PTPRA: variants seen among roughly 807,000 people sequenced by gnomAD.
PTPRA encodes receptor-type tyrosine-protein phosphatase alpha.
Under a neutral mutation model 104.8 loss-of-function variants are expected in PTPRA, and 25 were observed. The observed-to-expected ratio is 0.24, with a 90% CI of 0.17 to 0.33. PTPRA has a LOEUF of 0.33. Among genes scored for constraint, PTPRA ranks in the 10% least tolerant of loss-of-function variants. The pLI is 1.00. For missense variants in PTPRA, 765 were observed against 1,015.3 expected, an observed-to-expected ratio of 0.75 and a Z score of 3.35; for synonymous variants, 323 against 368.9, an observed-to-expected ratio of 0.88 and a Z score of 1.43.
In PTPRA at chr20:2,880,753, G is replaced by A. The variant is rs570907564; in HGVS notation, c.-129+6993G>A. Among the ~76,000 whole-genome samples, 7 of 152,264 alleles carry A rather than the reference G, an allele frequency of 4.6e-5. No individual in the cohort carries two copies. In the South Asian group the frequency reaches 1.2e-3, roughly 27 times the overall value. On this transcript the variant is annotated intron_variant, in intron 1 of 23. Coordinates refer to ENST00000399903, the MANE Select transcript of PTPRA (RefSeq NM_001385305.1). ...GTATGTAGAACCCAGCTGCACGGTG[G>A]CTCACACCCATAATCCCACTGTTTT...
chr20:3,025,113 A>G (rs2065067417), intron 17 of PTPRA, among the ~76,000 whole-genome samples: 1 of 152,156 alleles, frequency 6.6e-6, no homozygotes, highest in Non-Finnish European at 1.5e-5. Context: ...GCCACTAGAC[A>G]ATGGTTCTCA....
intron 14 of PTPRA, among the ~76,000 whole-genome samples, chr20:3,021,846 C>T (rs1477177636): frequency 1.3e-5 from 2 of 152,188 alleles, no homozygotes; most frequent in African/African-American, 4.8e-5. Flanking sequence ...TGTGGTACTG[C>T]GAAAAGAGGA....
At position 2,930,989 on chromosome 20, in the gene PTPRA, A is replaced by G. The variant is rs2060483267; in HGVS notation, c.-50+7704A>G. ...AGCAGGATGAATCTAACACTTTAGG[A>G]AGACTCCTTGGGGATGGGGTTGGAG... On this transcript the variant is annotated intron_variant, in intron 2 of 23. Coordinates refer to ENST00000399903, the MANE Select transcript of PTPRA (RefSeq NM_001385305.1). Among the ~76,000 whole-genome samples, 3 of 152,184 alleles carry G rather than the reference A, an allele frequency of 2.0e-5. No individual in the cohort carries two copies. The South Asian group carries it at 6.2e-4, about 31-fold the overall frequency.
At chr20:2,909,734 AATTATAT>A (rs1243534571) in intron 1 of PTPRA, among the ~76,000 whole-genome samples, 4 of 142,252 alleles carry the variant, frequency 2.8e-5, no homozygotes, top group Admixed American at 1.5e-4. Context: ...CTTATATATA[AATTATAT>A]ATTATATATT....
chr20:3,014,794 C>A (rs1239254893), intron 11 of PTPRA, among the ~76,000 whole-genome samples: 1 of 152,206 alleles, frequency 6.6e-6, no homozygotes, highest in Admixed American at 6.5e-5. Flanking sequence ...CACCTTATTG[C>A]TGTCTGAGAA....
At chr20:3,033,717 CA>C (rs2065644432) in intron 20 of PTPRA, among the ~76,000 whole-genome samples, 2 of 151,784 alleles carry the variant, frequency 1.3e-5, no homozygotes, top group Non-Finnish European at 2.9e-5. Context: ...GCCTGACCAA[CA>C]TGGAGAAACC....
At position 3,010,791 on chromosome 20, in the gene PTPRA, G is replaced by A. The variant is rs139163500; in HGVS notation, c.906+3371G>A. 6.6e-3 allele frequency among the ~76,000 whole-genome samples: 1,007 copies of A among 152,272 alleles called. 9 individuals are homozygous for A. The highest frequency in any genetic ancestry group is 0.022 in the African/African-American group (918 of 41,556). ...CCAGCAGGCCAGGATTGGATCACAT[G>A]TTCACATCCCTCTCTAATCACTGGC... On this transcript the variant is annotated intron_variant, in intron 11 of 23. Coordinates refer to ENST00000399903, the MANE Select transcript of PTPRA (RefSeq NM_001385305.1).
intron 5 of PTPRA, among the ~76,000 whole-genome samples, chr20:2,974,905 T>G (rs2062365876): frequency 6.6e-6 from 1 of 152,240 alleles, no homozygotes; most frequent in African/African-American, 2.4e-5. Flanking sequence ...GTCTTTTGTA[T>G]CCTTACTTAA....
chr20:2,874,419 C>A (rs755767675), intron 1 of PTPRA, among the ~76,000 whole-genome samples: 1 of 151,946 alleles, frequency 6.6e-6, no homozygotes, highest in Non-Finnish European at 1.5e-5. Context: ...AGAGCAGAGT[C>A]CTGTCTTGAG....
chr20:2,869,884 T>C (rs2089407142), upstream of PTPRA, among the ~76,000 whole-genome samples: 1 of 150,274 alleles, frequency 6.7e-6, no homozygotes, highest in African/African-American at 2.5e-5. Context: ...GGAGAATCGC[T>C]TGATTGCTTG....
intron 17 of PTPRA, among the ~76,000 whole-genome samples, chr20:3,025,315 T>C (rs2065077417): frequency 6.6e-6 from 1 of 151,864 alleles, no homozygotes; most frequent in Non-Finnish European, 1.5e-5. Flanking sequence ...TAGCCAGGCA[T>C]GATGGCACAT....
intron 2 of PTPRA, among the ~76,000 whole-genome samples, chr20:2,933,357 A>C (rs1449935219): frequency 1.3e-5 from 2 of 151,970 alleles, no homozygotes; most frequent in African/African-American, 2.4e-5. Context: ...TAAATACCTC[A>C]TTTAATAAGG....
intron 1 of PTPRA, among the ~76,000 whole-genome samples, chr20:2,881,933 G>A (rs2090072700): frequency 6.6e-6 from 1 of 152,124 alleles, no homozygotes; most frequent in African/African-American, 2.4e-5. Context: ...CTGGGAGGCG[G>A]AGATTGCAGT....
chr20:3,004,184 A>AT (rs1408421368), intron 9 of PTPRA, among the ~76,000 whole-genome samples: 1 of 151,874 alleles, frequency 6.6e-6, no homozygotes, highest in Non-Finnish European at 1.5e-5. Flanking sequence ...TACCCAGCTA[A>AT]TTGTTGTCTT....
intron 13 of PTPRA, among the ~76,000 whole-genome samples, chr20:3,020,477 A>G (rs959692898): frequency 1.3e-5 from 2 of 152,118 alleles, no homozygotes; most frequent in African/African-American, 4.8e-5. Context: ...GGCCTTTGGT[A>G]TATCCTGGAT....
At chr20:3,019,054 G>A (rs2064664234) in intron 13 of PTPRA, among the ~76,000 whole-genome samples, 1 of 141,204 alleles carries the variant, frequency 7.1e-6, no homozygotes, top group Non-Finnish European at 1.6e-5. Flanking sequence ...CTCCCGGACG[G>A]GGCGGCTGGC....
rs2065851264 is a variant in PTPRA, at chr20:3,037,376, T to C, written c.2334+87T>C. ...AGGCTCTTCAGAGGGGCCCACCCAGTAGTCAGAAGACTGTCTAAACACAGA... is the reference window on the plus strand; with the variant it reads ...AGGCTCTTCAGAGGGGCCCACCCAGCAGTCAGAAGACTGTCTAAACACAGA... On this transcript the variant is annotated intron_variant, in intron 23 of 23. Transcript: ENST00000399903. The surrounding 1 kb of genome is among the most constrained non-coding windows in gnomAD (Gnocchi z 4.3). The C allele has an allele frequency of 6.4e-7, 1 of 1,559,288 alleles. No homozygotes were observed. The highest frequency in any genetic ancestry group is 1.4e-5 in the African/African-American group (1 of 73,522).
chr20:3,036,616 A>G (rs2065812169), intron 22 of PTPRA, among the ~76,000 whole-genome samples: 1 of 152,174 alleles, frequency 6.6e-6, no homozygotes, highest in African/African-American at 2.4e-5. Flanking sequence ...TTGTCTGGGG[A>G]CATTGCTAAA....
chr20:2,903,147 G>A (rs1368161821), intron 1 of PTPRA, among the ~76,000 whole-genome samples: 2 of 152,182 alleles, frequency 1.3e-5, no homozygotes, highest in Non-Finnish European at 2.9e-5. Flanking sequence ...GGAGCATTTG[G>A]ATTTCGGATT....
Sources: gnomAD v4.1 joint callset for allele counts (sites outside exome capture counted in the v4.1 genomes callset) on GRCh38, gnomAD v4.1.1 for gene constraint, Gnocchi (gnomAD v3.1) non-coding constraint, MANE v1.5 for transcripts, NCBI Gene and HGNC (gene_info 2026-07-23, HGNC 2026-07-21) for gene names.